LRRC4C: variants seen among roughly 807,000 people sequenced by gnomAD.
LRRC4C encodes the protein leucine rich repeat containing 4C.
Under a neutral mutation model 33.6 loss-of-function variants are expected in LRRC4C, and 5 were observed. The observed-to-expected ratio is 0.15, with a 90% CI of 0.08 to 0.31. The LOEUF is 0.31. Ranked by LOEUF, LRRC4C falls within the 10% of genes least tolerant of loss-of-function variation. LRRC4C has a pLI of 1.00. For synonymous variants in LRRC4C, 329 were observed against 302.0 expected (o/e 1.09, Z -0.93); for missense variants, 560 against 796.7 (o/e 0.70, Z 3.58).
chr11:40,457,885 G>A (rs996481804), intron 3 of LRRC4C, among the ~76,000 whole-genome samples: 1 of 151,990 alleles, frequency 6.6e-6, no homozygotes, highest in Non-Finnish European at 1.5e-5. Context: ...TGTTTTTCTT[G>A]CAGTAGCCAT....
At chr11:40,147,061 A>G (rs1212027974) in intron 5 of LRRC4C, among the ~76,000 whole-genome samples, 1 of 152,200 alleles carries the variant, frequency 6.6e-6, no homozygotes, top group Non-Finnish European at 1.5e-5. Flanking sequence ...CAGAAAGCCA[A>G]GTGTTCTCTT....
intron 1 of LRRC4C, among the ~76,000 whole-genome samples, chr11:41,448,372 C>T (rs1181597249): frequency 7.7e-6 from 1 of 130,588 alleles, no homozygotes; most frequent in East Asian, 2.5e-4. Context: ...ATGGTATAAT[C>T]TCTGCTCACT....
At chr11:40,462,178 T>C (rs969029920) in intron 3 of LRRC4C, among the ~76,000 whole-genome samples, 4 of 152,112 alleles carry the variant, frequency 2.6e-5, no homozygotes, top group African/African-American at 9.6e-5. Flanking sequence ...TTGTTAAATA[T>C]TGATGTTATA....
chr11:40,696,405 C>CAT (rs111572351), intron 2 of LRRC4C, among the ~76,000 whole-genome samples: 60,718 of 142,086 alleles, frequency 0.43, 14,909 homozygotes, highest in Non-Finnish European at 0.54. Flanking sequence ...GTATACACAC[C>CAT]ATATATATAT....
chr11:40,991,132 C>A (rs1283652025), intron 1 of LRRC4C, among the ~76,000 whole-genome samples: 3 of 138,008 alleles, frequency 2.2e-5, no homozygotes, highest in Non-Finnish European at 4.6e-5. Context: ...AAAATGTGAT[C>A]TTTCAAAGCA....
chr11:40,560,316 G>A (rs540344712), intron 3 of LRRC4C, among the ~76,000 whole-genome samples: 2 of 152,038 alleles, frequency 1.3e-5, no homozygotes, highest in Non-Finnish European at 2.9e-5. Context: ...TCTCCCACTC[G>A]TCACAACCAA....
intron 1 of LRRC4C, among the ~76,000 whole-genome samples, chr11:41,298,278 GGAA>G (rs941619187): frequency 6.6e-6 from 1 of 152,118 alleles, no homozygotes; most frequent in African/African-American, 2.4e-5. Context: ...ATAAAAGAAG[GGAA>G]GAAGGTCTCT....
At position 40,984,419 on chromosome 11, in the gene LRRC4C, AAG is replaced by A. The variant is rs1440174439; in HGVS notation, c.-495-50698_-495-50697del. On this transcript the variant is annotated intron_variant, in intron 1 of 6. Transcript: ENST00000528697. ...AGAAAGAAAGAAAGAAAGAAAGAGA[AAG>A]AAAGAAAGAGAAAAAGAAAGAAAGA... Among the ~76,000 whole-genome samples, 3 of 116,542 alleles carry A rather than the reference AAG, an allele frequency of 2.6e-5. No individual in the cohort carries two copies. The East Asian group carries it at 7.2e-4, about 28-fold the overall frequency. The allele number at this position is 116,542 out of a possible 152,430, so 76.5% of individuals were successfully genotyped here. A position where few individuals can be genotyped will look rare whatever the true frequency, so the allele number is the denominator to read the frequency against.
At chr11:40,154,311 C>CAAAACAAAAAAAA (rs1858495192) in intron 5 of LRRC4C, among the ~76,000 whole-genome samples, 2 of 137,652 alleles carry the variant, frequency 1.5e-5, no homozygotes, top group African/African-American at 5.4e-5. Flanking sequence ...AAACAAAAAG[C>CAAAACAAAAAAAA]AAAGTACACA....
intron 1 of LRRC4C, among the ~76,000 whole-genome samples, chr11:41,145,371 C>T (rs1943683860): frequency 6.6e-6 from 1 of 152,070 alleles, no homozygotes; most frequent in Non-Finnish European, 1.5e-5. Flanking sequence ...TGAGTTTATT[C>T]TTTTCTTGCC....
intron 1 of LRRC4C, among the ~76,000 whole-genome samples, chr11:41,251,239 T>A (rs1224665760): frequency 6.6e-6 from 1 of 152,258 alleles, no homozygotes; most frequent in Non-Finnish European, 1.5e-5. Context: ...AAGGAGGTTT[T>A]ATTTCATGAG....
chr11:40,941,642 T>A (rs1280608808), intron 1 of LRRC4C, among the ~76,000 whole-genome samples: 2 of 152,170 alleles, frequency 1.3e-5, no homozygotes, highest in Non-Finnish European at 1.5e-5. Context: ...TGATTGATAG[T>A]GCTACCTGAG....
intron 2 of LRRC4C, among the ~76,000 whole-genome samples, chr11:40,649,693 A>T (rs1268296713): frequency 6.6e-6 from 1 of 152,222 alleles, no homozygotes; most frequent in Non-Finnish European, 1.5e-5. Flanking sequence ...AATTTTGGGA[A>T]CTGATAAATG....
At chr11:40,711,722 GA>G (rs5791398) in intron 2 of LRRC4C, among the ~76,000 whole-genome samples, 18,514 of 136,800 alleles carry the variant, frequency 0.14, 1,542 homozygotes, top group East Asian at 0.44. Flanking sequence ...TTCAGAGTTA[GA>G]AAAAAAAAAA....
intron 1 of LRRC4C, among the ~76,000 whole-genome samples, chr11:41,124,341 A>G (rs1453680692): frequency 6.6e-6 from 1 of 152,128 alleles, no homozygotes; most frequent in Non-Finnish European, 1.5e-5. Context: ...CACCAATCCA[A>G]ACTTCTATCG....
At chr11:40,459,384 G>C (rs1206603311) in intron 3 of LRRC4C, among the ~76,000 whole-genome samples, 1 of 151,898 alleles carries the variant, frequency 6.6e-6, no homozygotes, top group Admixed American at 6.6e-5. Flanking sequence ...TCAGCACTCA[G>C]GAATCTGTCA....
At chr11:40,486,945 A>G (rs557664023) in intron 3 of LRRC4C, among the ~76,000 whole-genome samples, 1 of 152,188 alleles carries the variant, frequency 6.6e-6, no homozygotes, top group African/African-American at 2.4e-5. Context: ...CACTCTTTCA[A>G]TCTTTTTTGT....
chr11:40,745,644 C>A (rs1186923340), intron 2 of LRRC4C, among the ~76,000 whole-genome samples: 1 of 151,764 alleles, frequency 6.6e-6, no homozygotes, highest in Non-Finnish European at 1.5e-5. Context: ...AATTTTTTTC[C>A]ACAATATTTT....
At chr11:40,616,656 A>G (rs1485101325) in intron 3 of LRRC4C, among the ~76,000 whole-genome samples, 1 of 151,902 alleles carries the variant, frequency 6.6e-6, no homozygotes, top group African/African-American at 2.4e-5. Flanking sequence ...AAACTATCGC[A>G]AGGACAAAAA....
Sources: gnomAD v4.1 joint callset for allele counts (sites outside exome capture counted in the v4.1 genomes callset) on GRCh38, gnomAD v4.1.1 for gene constraint, MANE v1.5 for transcripts, NCBI Gene and HGNC (gene_info 2026-07-23, HGNC 2026-07-21) for gene names.